MYOZ3: variants seen among roughly 807,000 people sequenced by gnomAD.
MYOZ3 encodes the protein myozenin-3.
MYOZ3 carries 19 observed loss-of-function variants against 26.5 expected under a neutral mutation model. The observed-to-expected ratio is 0.72, with a 90% CI of 0.50 to 1.05. The LOEUF (loss-of-function observed/expected upper bound fraction) is 1.05, where lower values mean the gene tolerates loss of function less well. Among genes scored for constraint, MYOZ3 ranks in the 50% least tolerant of loss-of-function variants. The pLI is 0.00. For synonymous variants in MYOZ3, 135 were observed against 138.8 expected, an observed-to-expected ratio of 0.97 and a Z score of 0.19; for missense variants, 322 against 337.1, an observed-to-expected ratio of 0.96 and a Z score of 0.35.
chr5:150,663,033 A>C, intron 2 of MYOZ3, 31 bp downstream of exon 2: 1 of 1,569,602 alleles, frequency 6.4e-7, no homozygotes, highest in Non-Finnish European at 8.7e-7. Flanking sequence ...TGCCTTCCTC[A>C]GACTCCATCA....
At chr5:150,673,888 G>C (rs1480645229) in intron 6 of MYOZ3, among the ~76,000 whole-genome samples, 1 of 152,176 alleles carries the variant, frequency 6.6e-6, no homozygotes, top group Non-Finnish European at 1.5e-5. Flanking sequence ...AGTCCACAGA[G>C]AGGACGCCAC....
At chr5:150,667,539 T>C (rs1045167206) in intron 2 of MYOZ3, among the ~76,000 whole-genome samples, 1 of 152,204 alleles carries the variant, frequency 6.6e-6, no homozygotes, top group African/African-American at 2.4e-5. Flanking sequence ...TCACTCCTGC[T>C]CAAGGACATT....
chr5:150,671,073 G>C (rs1758899508), intron 3 of MYOZ3, among the ~76,000 whole-genome samples: 1 of 152,064 alleles, frequency 6.6e-6, no homozygotes, highest in Non-Finnish European at 1.5e-5. Context: ...AAGGCAAGAA[G>C]GGTTTTTCCC....
chr5:150,666,283 T>A (rs932476864), intron 2 of MYOZ3, among the ~76,000 whole-genome samples: 4 of 152,066 alleles, frequency 2.6e-5, no homozygotes, highest in African/African-American at 7.2e-5. Context: ...CCTTGCAGAT[T>A]TTTCAATGCA....
chr5:150,678,291 G>A lies in MYOZ3; in HGVS notation c.*1416G>A, dbSNP rs969260231. The A allele has an allele frequency of 2.0e-5, 3 of 152,280 alleles. No individual in the cohort carries two copies. Among genetic ancestry groups the A allele is most frequent in the Non-Finnish European group, 4.4e-5 (3 of 68,086 alleles). 9.4% of individuals were successfully genotyped at this position (152,280 alleles called of 1,614,324 possible). ...TGCTTAAAGTGGTGGTGATGATGAT[G>A]ATGATGATGGCAGCTTTATATCGAG... On this transcript the variant is annotated 3_prime_UTR_variant, in exon 7 of 7. Transcript: ENST00000517768.
intron 1 of MYOZ3, among the ~76,000 whole-genome samples, chr5:150,662,585 A>C (rs569794347): frequency 6.6e-6 from 1 of 152,140 alleles, no homozygotes; most frequent in Non-Finnish European, 1.5e-5. Flanking sequence ...AACCGATGAC[A>C]GTAGTGCCTG....
rs76396080 is a variant in MYOZ3, at chr5:150,671,307, G to A, written c.217-290G>A. 960 of 482,012 alleles carry A rather than the reference G, an allele frequency of 2.0e-3. 9 individuals are homozygous for A. Among genetic ancestry groups the A allele is most frequent in the African/African-American group, 0.018 (917 of 51,122 alleles). 29.9% of individuals were successfully genotyped at this position (482,012 alleles called of 1,614,324 possible). ...TTTAATGCTCATAGACCCCTCTGAG[G>A]AAGAGATCTTCATCACCATCATCCT... On this transcript the variant is annotated intron_variant, in intron 3 of 6. Coordinates refer to ENST00000517768, the MANE Select transcript of MYOZ3 (RefSeq NM_001122853.3).
chr5:150,665,247 G>C (rs966397059), intron 2 of MYOZ3, among the ~76,000 whole-genome samples: 6 of 152,148 alleles, frequency 3.9e-5, no homozygotes, highest in Admixed American at 2.0e-4. Flanking sequence ...GCCTAGGGTG[G>C]GGTACTGCTG....
Position 150,676,734 on chromosome 5 carries a change from C to T in MYOZ3, c.615C>T (p.Leu205=), listed in dbSNP as rs57761602. 0.02 allele frequency: 32,577 copies of T among 1,613,702 alleles called. 3,558 individuals carry two copies. In the African/African-American group the frequency reaches 0.29, roughly 14 times the overall value. Residue 205 remains leucine (L), a synonymous_variant, in exon 7 of 7, where the codon CTC becomes CTT. Coordinates refer to ENST00000517768, the MANE Select transcript of MYOZ3 (RefSeq NM_001122853.3). ...CCCCGGTGCCATTTGGAGGACCCCT[C>T]GTGGGGGGCACTTTTCCCAGGCCAG... ...NKTPVPFGGP[L]VGGTFPRPGT... is the part of the protein sequence containing the mutation.
At chr5:150,662,516 C>T (rs932316173) in intron 1 of MYOZ3, among the ~76,000 whole-genome samples, 1 of 152,100 alleles carries the variant, frequency 6.6e-6, no homozygotes, top group African/African-American at 2.4e-5. Context: ...CCATCCTCCC[C>T]CTTCCCCTAA....
intron 6 of MYOZ3, 78 bp downstream of exon 6, chr5:150,672,580 T>G: frequency 6.8e-7 from 1 of 1,476,334 alleles, no homozygotes; most frequent in Non-Finnish European, 9.0e-7. Context: ...GAGCCTGCGT[T>G]TCCTGAGCAC....
At chr5:150,673,096 C>A (rs537986784) in intron 6 of MYOZ3, 1 of 152,900 alleles carries the variant, frequency 6.5e-6, no homozygotes, top group Non-Finnish European at 1.5e-5. Flanking sequence ...AGGGCCACAG[C>A]GCAGTGGCCT....
chr5:150,672,253 C>T (rs1273942903), intron 5 of MYOZ3, 87 bp from the exon 6 acceptor site: 1 of 1,539,336 alleles, frequency 6.5e-7, no homozygotes, highest in Non-Finnish European at 8.8e-7. Flanking sequence ...CTCCTCCAAC[C>T]GCGTCCGCGG....
At chr5:150,675,252 TAATA>T (rs1278892231) in intron 6 of MYOZ3, among the ~76,000 whole-genome samples, 1 of 135,346 alleles carries the variant, frequency 7.4e-6, no homozygotes, top group African/African-American at 3.8e-5. Flanking sequence ...GTGTGTGTGT[TAATA>T]CTTTGCACTT....
At chr5:150,666,120 T>C (rs923792493) in intron 2 of MYOZ3, among the ~76,000 whole-genome samples, 1 of 152,090 alleles carries the variant, frequency 6.6e-6, no homozygotes, top group Non-Finnish European at 1.5e-5. Context: ...CTTTATTATG[T>C]ATTTAGGTAT....
At position 150,671,588 on chromosome 5, in the gene MYOZ3, C is replaced by CG. The variant is rs755152736; in HGVS notation, c.217-8dup. ...TTCTCTGCGGTTTATTCTACCCCCT[C>CG]GTTCCCAGATGCTGGCCGGAAGCGC... On this transcript the variant is annotated splice_polypyrimidine_tract_variant and intron_variant, in intron 3 of 6. Coordinates refer to ENST00000517768, the MANE Select transcript of MYOZ3 (RefSeq NM_001122853.3). The CG allele has an allele frequency of 1.9e-6, 3 of 1,613,674 alleles. No homozygotes were observed. In the East Asian group the frequency reaches 6.7e-5, roughly 36 times the overall value.
chr5:150,670,673 G>A, intron 3 of MYOZ3, 35 bp downstream of exon 3: 1 of 1,575,036 alleles, frequency 6.3e-7, no homozygotes, highest in Non-Finnish European at 8.7e-7. Flanking sequence ...TGGGGAAAAT[G>A]AGGACCACAG....
intron 5 of MYOZ3, 29 bp from the exon 6 acceptor site, chr5:150,672,311 G>A (rs748232287): frequency 6.4e-7 from 1 of 1,569,350 alleles, no homozygotes; most frequent in Non-Finnish European, 8.6e-7. Flanking sequence ...TGGAAGAACG[G>A]AGGCGCTCCC....
rs538511702 is a variant in MYOZ3, at chr5:150,676,930, C to T, written c.*55C>T. 137 of 1,551,904 alleles carry T rather than the reference C, an allele frequency of 8.8e-5. No individual in the cohort carries two copies. In the African/African-American group the frequency reaches 1.8e-3, roughly 20 times the overall value. On this transcript the variant is annotated 3_prime_UTR_variant, in exon 7 of 7. Coordinates refer to ENST00000517768, the MANE Select transcript of MYOZ3 (RefSeq NM_001122853.3). ...TCGGGGGCCTGGTAACATCCGGAGC[C>T]AAGACTTGTGGACAGCACTTCACAG... is the stretch of plus-strand genomic sequence containing the variant.
Sources: allele counts gnomAD v4.1 joint callset (sites outside exome capture counted in the v4.1 genomes callset), GRCh38; gene constraint gnomAD v4.1.1; transcripts MANE v1.5; gene names NCBI Gene and HGNC (gene_info 2026-07-23, HGNC 2026-07-21).